OPCML: variants seen among roughly 807,000 people sequenced by gnomAD.
OPCML encodes opioid binding protein/cell adhesion molecule like.
OPCML carries 13 observed loss-of-function variants against 37.8 expected under a neutral mutation model. That is an observed-to-expected ratio of 0.34 (90% confidence interval 0.22 to 0.55). The LOEUF is 0.55. Among genes scored for constraint, OPCML ranks in the 20% least tolerant of loss-of-function variants. OPCML has a pLI of 0.91. For synonymous variants in OPCML, 176 were observed against 168.8 expected (o/e 1.04, Z -0.33); for missense variants, 341 against 435.6 (o/e 0.78, Z 1.93).
intron 3 of OPCML, among the ~76,000 whole-genome samples, chr11:132,654,626 T>A (rs1941607675): frequency 6.7e-6 from 1 of 149,768 alleles, no homozygotes. Context: ...GAGAAGCTCC[T>A]CCCCAAGAGA....
intron 1 of OPCML, among the ~76,000 whole-genome samples, chr11:133,144,354 AC>A (rs1333941489): frequency 2.0e-5 from 3 of 152,046 alleles, no homozygotes; most frequent in Non-Finnish European, 4.4e-5. Flanking sequence ...CCATTAAGCA[AC>A]CCCTTGCCCC....
intron 1 of OPCML, among the ~76,000 whole-genome samples, chr11:133,060,692 C>T (rs1218488837): frequency 2.0e-5 from 3 of 152,332 alleles, no homozygotes; most frequent in Admixed American, 6.5e-5. Flanking sequence ...CAAGATTCTA[C>T]GTTTTCCTGA....
intron 1 of OPCML, among the ~76,000 whole-genome samples, chr11:133,464,916 G>A (rs1003568006): frequency 2.6e-5 from 4 of 152,100 alleles, no homozygotes; most frequent in African/African-American, 7.2e-5. Flanking sequence ...CTCGGGTACC[G>A]CAGCTCTGAG....
rs560717843 is a variant in OPCML, at chr11:133,150,551, T to TA, written c.62-207542dup. ...CCGTATGCTGCCTTACAGTGTCCTC[T>TA]AAAACCTGAAGCCACTTGATGCCTT... On this transcript the variant is annotated intron_variant, in intron 1 of 7. Coordinates refer to ENST00000524381, the MANE Select transcript of OPCML (RefSeq NM_001012393.5). Among the ~76,000 whole-genome samples, 11 of 152,304 alleles carry TA rather than the reference T, an allele frequency of 7.2e-5. No individual in the cohort carries two copies. The South Asian group carries it at 2.3e-3, about 32-fold the overall frequency.
At chr11:133,182,073 A>T (rs1392111313) in intron 1 of OPCML, among the ~76,000 whole-genome samples, 1 of 152,192 alleles carries the variant, frequency 6.6e-6, no homozygotes, top group Non-Finnish European at 1.5e-5. Context: ...CCTTTAGGTG[A>T]TTAACACCTT....
At chr11:132,795,077 T>C (rs1042197607) in intron 2 of OPCML, among the ~76,000 whole-genome samples, 1 of 151,976 alleles carries the variant, frequency 6.6e-6, no homozygotes, top group African/African-American at 2.4e-5. Context: ...AAGAGCTTCA[T>C]TGGTACCTAT....
intron 1 of OPCML, among the ~76,000 whole-genome samples, chr11:133,304,423 G>A (rs999583694): frequency 1.3e-5 from 2 of 152,156 alleles, no homozygotes; most frequent in Non-Finnish European, 1.5e-5. Flanking sequence ...ACTTCACAAC[G>A]ATTCCATGAA....
intron 1 of OPCML, among the ~76,000 whole-genome samples, chr11:133,223,732 C>T (rs1351862912): frequency 4.6e-5 from 7 of 152,144 alleles, no homozygotes; most frequent in African/African-American, 1.7e-4. Context: ...TGTTTTGTTT[C>T]GTTTTGTTTT....
At chr11:132,630,678 G>A (rs776109537) in intron 3 of OPCML, among the ~76,000 whole-genome samples, 5 of 152,092 alleles carry the variant, frequency 3.3e-5, no homozygotes, top group Non-Finnish European at 7.4e-5. Context: ...TTGCAAGTGG[G>A]AGTATAAAAA....
intron 4 of OPCML, among the ~76,000 whole-genome samples, chr11:132,460,425 C>A (rs2096097339): frequency 6.6e-6 from 1 of 152,154 alleles, no homozygotes; most frequent in Non-Finnish European, 1.5e-5. Flanking sequence ...GTTTCAACCT[C>A]ACAAACCCTC....
intron 1 of OPCML, among the ~76,000 whole-genome samples, chr11:133,054,643 G>C (rs117787442): frequency 6.6e-6 from 1 of 152,312 alleles, no homozygotes; most frequent in African/African-American, 2.4e-5. Context: ...AGATGATTTC[G>C]ATTTAACCAT....
intron 1 of OPCML, among the ~76,000 whole-genome samples, chr11:133,264,845 ATAAAC>A (rs1941607270): frequency 6.6e-6 from 1 of 152,314 alleles, no homozygotes; most frequent in African/African-American, 2.4e-5. Flanking sequence ...AGATCATTAA[ATAAAC>A]TAAGTACTTT....
At chr11:133,063,088 A>C (rs11603858) in intron 1 of OPCML, among the ~76,000 whole-genome samples, 16,404 of 152,234 alleles carry the variant, frequency 0.11, 1,265 homozygotes, top group African/African-American at 0.22. Context: ...ACGTGCTGTG[A>C]GTTCTACCGG....
chr11:132,960,729 T>C (rs1946074855), intron 1 of OPCML, among the ~76,000 whole-genome samples: 1 of 152,214 alleles, frequency 6.6e-6, no homozygotes, highest in Non-Finnish European at 1.5e-5. Context: ...TATCCTGCTT[T>C]CGAATCTCCC....
At chr11:132,485,466 G>C (rs1293572447) in intron 4 of OPCML, among the ~76,000 whole-genome samples, 2 of 152,270 alleles carry the variant, frequency 1.3e-5, no homozygotes, top group South Asian at 4.1e-4. Context: ...CACTCAAGTA[G>C]CTACCTCCCA....
chr11:133,117,617 C>G (rs996923171), intron 1 of OPCML, among the ~76,000 whole-genome samples: 3 of 152,140 alleles, frequency 2.0e-5, no homozygotes, highest in Non-Finnish European at 4.4e-5. Context: ...CATGTGAGAG[C>G]CTGATTTTAA....
chr11:132,732,485 C>G (rs533525767), intron 2 of OPCML, among the ~76,000 whole-genome samples: 2 of 152,192 alleles, frequency 1.3e-5, no homozygotes, highest in East Asian at 3.9e-4. Context: ...TATTTCCATG[C>G]GTACATCTTG....
chr11:133,243,484 C>T lies in OPCML; in HGVS notation c.61+288780G>A, dbSNP rs957372604. 2.0e-5 allele frequency among the ~76,000 whole-genome samples: 3 copies of T among 152,174 alleles called. No individual in the cohort carries two copies. In the South Asian group the frequency reaches 6.2e-4, roughly 32 times the overall value. ...GGTGCAACAGAGCAAGGTGCAGTGA[C>T]TTACTGTAAATGTGTTCACAGCAAG... is the stretch of plus-strand genomic sequence containing the variant. On this transcript the variant is annotated intron_variant, in intron 1 of 7. Transcript: ENST00000524381.
rs569745895 is a variant in OPCML at position 133,140,949 on chromosome 11, C to A, written c.62-197939G>T. On this transcript the variant is annotated intron_variant, in intron 1 of 7. Coordinates refer to ENST00000524381, the MANE Select transcript of OPCML (RefSeq NM_001012393.5). ...ACGACGACGAAGAAGAAGAAGACGACGAAGAAGAAGAAGAAGAAGAAGAAG... is the reference window on the plus strand; with the variant it reads ...ACGACGACGAAGAAGAAGAAGACGAAGAAGAAGAAGAAGAAGAAGAAGAAG... Among the ~76,000 whole-genome samples, 141 of 2,898 alleles carry A rather than the reference C, an allele frequency of 0.049. 41 individuals are homozygous for A. In the East Asian group the frequency reaches 0.75, roughly 15 times the overall value. 1.9% of individuals were successfully genotyped at this position (2,898 alleles called of 152,430 possible).
Sources: gnomAD v4.1 joint callset for allele counts (sites outside exome capture counted in the v4.1 genomes callset) on GRCh38, gnomAD v4.1.1 for gene constraint, MANE v1.5 for transcripts, NCBI Gene and HGNC (gene_info 2026-07-23, HGNC 2026-07-21) for gene names.